SORL1: variants seen among roughly 807,000 people sequenced by gnomAD.
The protein encoded by SORL1 is sortilin-related receptor.
Under a neutral mutation model 273.7 loss-of-function variants are expected in SORL1, and 127 were observed. The observed-to-expected ratio is 0.46, with a 90% CI of 0.40 to 0.54. SORL1 has a LOEUF of 0.54. SORL1 is among the 20% of genes least tolerant of loss of function. SORL1 has a pLI of 0.00. For synonymous variants in SORL1, 1,031 were observed against 1,067.4 expected (o/e 0.97, Z 0.66); for missense variants, 2,494 against 2,846.1 (o/e 0.88, Z 2.81).
At chr11:121,598,822 G>A (rs1863341186) in intron 32 of SORL1, among the ~76,000 whole-genome samples, 1 of 152,138 alleles carries the variant, frequency 6.6e-6, no homozygotes, top group Non-Finnish European at 1.5e-5. Context: ...TTTTCGGAGG[G>A]GTCCCAGGAC....
In SORL1 at chr11:121,595,627, C is replaced by T. The variant is rs374868386; in HGVS notation, c.4374C>T (p.Asn1458=). ...SDEEACPLLA[N]VTAASTPTQL... is the part of the protein sequence containing the mutation. The stretch of plus-strand genomic sequence containing the variant: ...TTTAAAAATCTTTTATTTTAGCAAA[C>T]GTCACTGCTGCCTCCACTCCCACCC... Residue 1458 remains asparagine, a synonymous_variant, in exon 32 of 48, where the codon AAC becomes AAT. Transcript: ENST00000260197. This position sits in a 1 kb window ranked among gnomAD's most constrained non-coding sequence, Gnocchi z 5.1. The T allele has an allele frequency of 9.0e-5, 144 of 1,592,044 alleles. No individual in the cohort carries two copies. In the East Asian group the frequency reaches 1.5e-3, roughly 16 times the overall value.
At position 121,595,480 on chromosome 11, in the gene SORL1, C is replaced by G; in HGVS notation, c.4370-143C>G. 1.4e-6 allele frequency: 1 copy of G among 733,160 alleles called. No homozygotes were observed. Among genetic ancestry groups the G allele is most frequent in the Non-Finnish European group, 2.3e-6 (1 of 438,970 alleles). 45.4% of individuals were successfully genotyped at this position (733,160 alleles called of 1,614,324 possible). A position where few individuals can be genotyped will look rare whatever the true frequency, so the allele number is the denominator to read the frequency against. On this transcript the variant is annotated intron_variant, in intron 31 of 47. Transcript: ENST00000260197. The surrounding 1 kb of genome is among the most constrained non-coding windows in gnomAD (Gnocchi z 5.1). The stretch of plus-strand genomic sequence containing the variant: ...ACATTAGATGTCTGTATCTACTCTG[C>G]TCTCTATCCGGAACTCGCATTTGTC...
chr11:121,561,081 G>A (rs992759441), intron 21 of SORL1, among the ~76,000 whole-genome samples: 8 of 152,168 alleles, frequency 5.3e-5, no homozygotes, highest in Non-Finnish European at 1.2e-4. Context: ...CTAGCAGAGT[G>A]GATTTTTAGT....
intron 6 of SORL1, among the ~76,000 whole-genome samples, chr11:121,502,700 C>G (rs1344212553): frequency 1.3e-5 from 2 of 152,042 alleles, no homozygotes; most frequent in Non-Finnish European, 2.9e-5. Flanking sequence ...GGATGGATGT[C>G]TATTCAAGTC....
At chr11:121,588,220 TG>T in intron 28 of SORL1, 69 bp downstream of exon 28, 1 of 1,570,920 alleles carries the variant, frequency 6.4e-7, no homozygotes, top group Non-Finnish European at 8.7e-7. Context: ...TTGGCCACCC[TG>T]GGGTTGTGTC....
chr11:121,577,745 T>A (rs1274440332), intron 25 of SORL1, among the ~76,000 whole-genome samples: 1 of 152,216 alleles, frequency 6.6e-6, no homozygotes, highest in Admixed American at 6.5e-5. Flanking sequence ...TAGCTCATGT[T>A]TTTTAAAATG....
At position 121,474,343 on chromosome 11, in the gene SORL1, C is replaced by T. The variant is rs375157484; in HGVS notation, c.403-3775C>T. 7.5e-5 allele frequency among the ~76,000 whole-genome samples: 10 copies of T among 132,650 alleles called. No homozygotes were observed. In the East Asian group the frequency reaches 1.1e-3, roughly 14 times the overall value. The allele number at this position is 132,650 out of a possible 152,430, so 87.0% of individuals were successfully genotyped here. ...CCGGGGCCAGGGGGCAGGTAGGGGG[C>T]GGAGAGGGGGCAGTCTGTGGGCATA... On this transcript the variant is annotated intron_variant, in intron 2 of 47. Coordinates refer to ENST00000260197, the MANE Select transcript of SORL1 (RefSeq NM_003105.6).
chr11:121,497,029 A>C lies in SORL1; in HGVS notation c.919A>C (p.Met307Leu). ...AGATTTTCAGCTTCGGGACAAGTAC[A>C]TGTTTGCTACAAAGGTGGTGGTAAG... ...VRDFQLRDKY[M>L]FATKVVHLLG... is the part of the protein sequence containing the mutation. The change falls in exon 6 of 48, where the codon ATG becomes CTG. Residue 307 changes from methionine (M) to leucine (L), a missense_variant. Physicochemically the swap from Met to Leu is conservative, Grantham distance 15 (BLOSUM62 2). Around this residue, in one of 3 missense-constraint regions of SORL1, gnomAD observed 710 missense variants for 882.5 expected, o/e 0.80. Transcript: ENST00000260197. 6.2e-7 allele frequency: 1 copy of C among 1,613,826 alleles called. No individual in the cohort carries two copies. The highest frequency in any genetic ancestry group is 8.5e-7 in the Non-Finnish European group (1 of 1,179,938).
chr11:121,544,151 A>C (rs1361335358), intron 13 of SORL1, among the ~76,000 whole-genome samples: 1 of 152,144 alleles, frequency 6.6e-6, no homozygotes, highest in Non-Finnish European at 1.5e-5. Flanking sequence ...ATCTAGATAC[A>C]GGATGCATAA....
intron 19 of SORL1, among the ~76,000 whole-genome samples, chr11:121,558,070 A>T (rs11218339): frequency 2.6e-5 from 4 of 152,202 alleles, no homozygotes; most frequent in Non-Finnish European, 5.9e-5. Flanking sequence ...CACACTTCCT[A>T]GTGGTAATCA....
intron 37 of SORL1, 23 bp from the exon 38 acceptor site, chr11:121,608,081 A>C: frequency 6.2e-7 from 1 of 1,602,000 alleles, no homozygotes; most frequent in Non-Finnish European, 8.6e-7. Context: ...ATTTCATATT[A>C]ATTCACCCTC....
Position 121,608,128 on chromosome 11 carries a change from A to T in SORL1, c.5191A>T (p.Ile1731Leu). The T allele has an allele frequency of 1.2e-6, 2 of 1,614,120 alleles. No homozygotes were observed. The highest frequency in any genetic ancestry group is 1.3e-5 in the African/African-American group (1 of 75,060). The change falls in exon 38 of 48, where the codon ATA becomes TTA. Residue 1731 changes from isoleucine to leucine, a missense_variant. Around this residue, in one of 3 missense-constraint regions of SORL1, gnomAD observed 1,609 missense variants for 1,816.4 expected, o/e 0.89. Coordinates refer to ENST00000260197, the MANE Select transcript of SORL1 (RefSeq NM_003105.6). ...GGTGGCTGCGGTGACTAGTCGTGGAATAGGAAACTGGAGCGATTCTAAATC... is the reference window on the plus strand; with the variant it reads ...GGTGGCTGCGGTGACTAGTCGTGGATTAGGAAACTGGAGCGATTCTAAATC... ...VRVAAVTSRG[I>L]GNWSDSKSIT...
intron 32 of SORL1, among the ~76,000 whole-genome samples, chr11:121,598,272 A>G (rs951075865): frequency 3.9e-5 from 6 of 152,316 alleles, no homozygotes; most frequent in African/African-American, 1.4e-4. Context: ...AAGATGAAAA[A>G]GGAAGAGTGA....
At chr11:121,546,358 G>T (rs1036650709) in intron 14 of SORL1, among the ~76,000 whole-genome samples, 1 of 152,154 alleles carries the variant, frequency 6.6e-6, no homozygotes, top group African/African-American at 2.4e-5. Context: ...TTGATGATGA[G>T]AACAGAGCTT....
intron 26 of SORL1, 113 bp downstream of exon 26, chr11:121,583,696 C>T: frequency 2.6e-6 from 3 of 1,143,624 alleles, no homozygotes; most frequent in Non-Finnish European, 3.6e-6. Context: ...CCTGTATTTA[C>T]ACTCTGAAAC....
intron 12 of SORL1, among the ~76,000 whole-genome samples, chr11:121,536,540 C>T (rs1418747472): frequency 6.7e-6 from 1 of 150,360 alleles, no homozygotes; most frequent in Non-Finnish European, 1.5e-5. Flanking sequence ...GCTGGGACCA[C>T]GGGCAGGAGC....
intron 26 of SORL1, among the ~76,000 whole-genome samples, chr11:121,585,498 TATACACACAC>T (rs1863084636): frequency 1.9e-5 from 2 of 106,718 alleles, no homozygotes. Flanking sequence ...AAAAAATGTA[TATACACACAC>T]ACACACACAC....
At chr11:121,590,266 T>G in intron 30 of SORL1, 92 bp downstream of exon 30, 2 of 1,341,438 alleles carry the variant, frequency 1.5e-6, no homozygotes, top group Non-Finnish European at 2.0e-6. Context: ...GCTGATTCCG[T>G]GTTTTGGGGG....
chr11:121,528,942 C>T (rs1862162096), intron 11 of SORL1, among the ~76,000 whole-genome samples: 1 of 152,114 alleles, frequency 6.6e-6, no homozygotes, highest in South Asian at 2.1e-4. Flanking sequence ...GGTTCTAGTT[C>T]TCTAAATTCC....
Sources: allele counts gnomAD v4.1 joint callset (sites outside exome capture counted in the v4.1 genomes callset), GRCh38; gene constraint gnomAD v4.1.1; regional missense constraint gnomAD v4.1.1; non-coding constraint Gnocchi (gnomAD v3.1); transcripts MANE v1.5; gene names NCBI Gene and HGNC (gene_info 2026-07-23, HGNC 2026-07-21).